The following PLPP3 variants were observed in gnomAD, a reference collection of about 807,000 sequenced individuals.
The protein encoded by PLPP3 is PAP2 beta.
A neutral mutation model predicts 29.6 loss-of-function variants in PLPP3; 6 were observed. The ratio of observed to expected loss-of-function variants is 0.20; its 90% CI spans 0.11 to 0.40. The LOEUF (loss-of-function observed/expected upper bound fraction) is 0.40, where lower values mean the gene tolerates loss of function less well. PLPP3 is among the 10% of genes least tolerant of loss of function. The pLI, the probability that PLPP3 is intolerant of heterozygous loss-of-function variation, is 1.00. For missense variants in PLPP3, 308 were observed against 407.7 expected, an observed-to-expected ratio of 0.76 and a Z score of 2.11; for synonymous variants, 152 against 159.7, an observed-to-expected ratio of 0.95 and a Z score of 0.36.
intron 1 of PLPP3, among the ~76,000 whole-genome samples, chr1:56,576,098 T>G (rs1646233773): frequency 6.6e-6 from 1 of 152,188 alleles, no homozygotes; most frequent in African/African-American, 2.4e-5. Context: ...GACTTCTGCT[T>G]TTTCACCAAG....
intron 1 of PLPP3, among the ~76,000 whole-genome samples, chr1:56,563,584 A>G (rs774103521): frequency 5.7e-4 from 87 of 152,304 alleles, no homozygotes; most frequent in Admixed American, 9.8e-4. Context: ...TATTTTCAGT[A>G]AAAGTGGATA....
intron 1 of PLPP3, 46 bp downstream of exon 1, chr1:56,578,832 A>AGGGACGAGGGGCCGAG: frequency 6.7e-7 from 1 of 1,487,902 alleles, no homozygotes; most frequent in Non-Finnish European, 8.9e-7. Flanking sequence ...ACGCGCGCCG[A>AGGGACGAGGGGCCGAG]GGGACGAGGG....
intron 1 of PLPP3, among the ~76,000 whole-genome samples, chr1:56,570,027 T>G (rs1316537052): frequency 6.6e-6 from 1 of 152,210 alleles, no homozygotes; most frequent in Non-Finnish European, 1.5e-5. Context: ...GTGTTTGTCA[T>G]TAGGCAAAAG....
At chr1:56,546,020 C>T (rs916428597) in intron 1 of PLPP3, among the ~76,000 whole-genome samples, 42 of 152,208 alleles carry the variant, frequency 2.8e-4, no homozygotes, top group Non-Finnish European at 5.0e-4. Flanking sequence ...GCTGGCAGCC[C>T]ATGGCCAAAT....
intron 1 of PLPP3, among the ~76,000 whole-genome samples, chr1:56,551,366 T>C (rs1302527080): frequency 7.0e-6 from 1 of 141,958 alleles, no homozygotes; most frequent in African/African-American, 2.6e-5. Context: ...GTCCCTCCCC[T>C]TCCACCTCTG....
intron 1 of PLPP3, among the ~76,000 whole-genome samples, chr1:56,564,352 C>T (rs1646148146): frequency 6.6e-6 from 1 of 152,116 alleles, no homozygotes; most frequent in South Asian, 2.1e-4. Context: ...TGATATTTTG[C>T]ATGTGGTGGT....
chr1:56,552,779 G>A (rs1472327274), intron 1 of PLPP3, among the ~76,000 whole-genome samples: 2 of 152,148 alleles, frequency 1.3e-5, no homozygotes, highest in Non-Finnish European at 2.9e-5. Flanking sequence ...TATCTTAGAA[G>A]AGGAGAAAAG....
chr1:56,533,130 C>T (rs979540414), intron 2 of PLPP3, among the ~76,000 whole-genome samples: 10 of 151,796 alleles, frequency 6.6e-5, no homozygotes, highest in Non-Finnish European at 1.3e-4. Context: ...TCTTGGCTCA[C>T]TGCAATATCC....
At chr1:56,526,678 A>G (rs1332285644) in intron 2 of PLPP3, among the ~76,000 whole-genome samples, 1 of 152,156 alleles carries the variant, frequency 6.6e-6, no homozygotes, top group East Asian at 1.9e-4. Context: ...TTTGGGATAA[A>G]TTGGTTTCTG....
In PLPP3 at chr1:56,534,557, C is replaced by A. The variant is rs541473036; in HGVS notation, c.297+2398G>T. 2.0e-5 allele frequency among the ~76,000 whole-genome samples: 3 copies of A among 152,268 alleles called. No homozygotes were observed. In the East Asian group the frequency reaches 5.8e-4, roughly 29 times the overall value. ...AGCAGCAGGATGATGGTTCAATTTC[C>A]AGCTCTGGGCCCCTCCACCCTCCAC... On this transcript the variant is annotated intron_variant, in intron 2 of 5. Transcript: ENST00000371250.
chr1:56,556,423 G>C (rs888613837), intron 1 of PLPP3, among the ~76,000 whole-genome samples: 3 of 152,044 alleles, frequency 2.0e-5, no homozygotes, highest in Non-Finnish European at 4.4e-5. Flanking sequence ...GAACATAGAA[G>C]ATCATATGTA....
chr1:56,521,182 C>A (rs1645816903), intron 4 of PLPP3, among the ~76,000 whole-genome samples: 1 of 145,830 alleles, frequency 6.9e-6, no homozygotes, highest in Non-Finnish European at 1.5e-5. Context: ...TTGCAGTGAG[C>A]CAAGATGGTG....
At chr1:56,502,626 T>C (rs1379162409) in intron 5 of PLPP3, among the ~76,000 whole-genome samples, 1 of 152,234 alleles carries the variant, frequency 6.6e-6, no homozygotes, top group Non-Finnish European at 1.5e-5. Context: ...TCTTAGACAA[T>C]CTACACTGGG....
In PLPP3 at chr1:56,511,892, C is replaced by T. The variant is rs971261071; in HGVS notation, c.810+84G>A. ...AGCAGAGGACAGGAACGAGGGCTCT[C>T]TAGCTTTAGTCACTGAGCTGGAAAC... On this transcript the variant is annotated intron_variant, in intron 5 of 5. Coordinates refer to ENST00000371250, the MANE Select transcript of PLPP3 (RefSeq NM_003713.5). The T allele has an allele frequency of 1.9e-6, 3 of 1,551,336 alleles. No individual in the cohort carries two copies. The Admixed American group carries it at 5.2e-5, about 27-fold the overall frequency.
At chr1:56,545,430 T>C (rs1237106680) in intron 1 of PLPP3, among the ~76,000 whole-genome samples, 1 of 152,156 alleles carries the variant, frequency 6.6e-6, no homozygotes, top group Non-Finnish European at 1.5e-5. Context: ...TGTCCAAAGC[T>C]CATGCAAGTA....
chr1:56,524,891 A>C lies in PLPP3; in HGVS notation c.298-337T>G, dbSNP rs944641795. Among the ~76,000 whole-genome samples, 1 of 152,090 alleles carries C rather than the reference A, an allele frequency of 6.6e-6. No homozygotes were observed. The highest frequency in any genetic ancestry group is 2.4e-5 in the African/African-American group (1 of 41,404). On this transcript the variant is annotated intron_variant, in intron 2 of 5. Coordinates refer to ENST00000371250, the MANE Select transcript of PLPP3 (RefSeq NM_003713.5). The surrounding 1 kb of genome is among the most constrained non-coding windows in gnomAD (Gnocchi z 4.3). Reference sequence around the variant, plus strand: ...ACTATAGAAAAGAAATACTAAATGAAGAATCAACGACAAGGTAAAGGGTAG... The same window carrying C: ...ACTATAGAAAAGAAATACTAAATGACGAATCAACGACAAGGTAAAGGGTAG...
At chr1:56,546,602 G>T (rs988441028) in intron 1 of PLPP3, among the ~76,000 whole-genome samples, 9 of 152,128 alleles carry the variant, frequency 5.9e-5, no homozygotes, top group Non-Finnish European at 1.3e-4. Flanking sequence ...AAGTCACCAG[G>T]GCAAGGTAGT....
intron 5 of PLPP3, among the ~76,000 whole-genome samples, chr1:56,506,161 T>C (rs931468737): frequency 2.0e-5 from 3 of 152,210 alleles, no homozygotes; most frequent in Non-Finnish European, 4.4e-5. Context: ...TCTCTCCTGT[T>C]AGAGAAGGAA....
At chr1:56,511,870 A>G in intron 5 of PLPP3, 106 bp downstream of exon 5, 1 of 1,380,412 alleles carries the variant, frequency 7.2e-7, no homozygotes, top group Non-Finnish European at 1.0e-6. Flanking sequence ...GACACCAAGC[A>G]GAGGACAGGA....
Sources: allele counts gnomAD v4.1 joint callset (sites outside exome capture counted in the v4.1 genomes callset), GRCh38; gene constraint gnomAD v4.1.1; non-coding constraint Gnocchi (gnomAD v3.1); transcripts MANE v1.5; gene names NCBI Gene and HGNC (gene_info 2026-07-23, HGNC 2026-07-21).